Variants in SBF2 observed in about 807,000 individuals in gnomAD.
SBF2 encodes myotubularin-related protein 13.
A neutral mutation model predicts 225.2 loss-of-function variants in SBF2; 112 were observed. The ratio of observed to expected loss-of-function variants is 0.50; its 90% CI spans 0.43 to 0.58. The LOEUF (loss-of-function observed/expected upper bound fraction) is 0.58, where lower values mean the gene tolerates loss of function less well. Among genes scored for constraint, SBF2 ranks in the 20% least tolerant of loss-of-function variants. The probability of loss-of-function intolerance (pLI) is 0.00; values close to 1 mark genes in which losing one functional copy is unlikely to be tolerated. For missense variants in SBF2, 1,996 were observed against 2,206.2 expected (o/e 0.90, Z 1.91); for synonymous variants, 763 against 773.3 (o/e 0.99, Z 0.22).
intron 35 of SBF2, 93 bp downstream of exon 35, chr11:9,789,016 G>C: frequency 9.6e-7 from 1 of 1,036,378 alleles, no homozygotes; most frequent in Non-Finnish European, 1.5e-6. Flanking sequence ...AGAGTAAGGA[G>C]AGCCATGTTC....
intron 2 of SBF2, among the ~76,000 whole-genome samples, chr11:10,114,412 G>A (rs1358178392): frequency 6.6e-6 from 1 of 151,880 alleles, no homozygotes; most frequent in East Asian, 1.9e-4. Flanking sequence ...CTCCTATTAG[G>A]CATAAGTTGA....
intron 16 of SBF2, among the ~76,000 whole-genome samples, chr11:9,926,224 G>C (rs1231877204): frequency 6.6e-6 from 1 of 152,056 alleles, no homozygotes; most frequent in African/African-American, 2.4e-5. Context: ...AATATTTCGG[G>C]TAGACTGTAT....
chr11:10,063,051 G>A (rs1279186116), intron 2 of SBF2, among the ~76,000 whole-genome samples: 4 of 152,136 alleles, frequency 2.6e-5, no homozygotes, highest in African/African-American at 9.7e-5. Context: ...CATGGATGGA[G>A]CTACAGGCTA....
chr11:9,833,607 A>C lies in SBF2; in HGVS notation c.3456-1187T>G, dbSNP rs186930501. 3.9e-3 allele frequency among the ~76,000 whole-genome samples: 598 copies of C among 151,992 alleles called. 3 individuals are homozygous for C. The highest frequency in any genetic ancestry group is 0.01 in the Middle Eastern group (3 of 294). Reference sequence around the variant, plus strand: ...GGCTAATTTTTTGTATTTTCAATAGAGACGGGGTTTCACCGTGTTAGCCAG... The same window carrying C: ...GGCTAATTTTTTGTATTTTCAATAGCGACGGGGTTTCACCGTGTTAGCCAG... On this transcript the variant is annotated intron_variant, in intron 26 of 39. Transcript: ENST00000256190.
intron 2 of SBF2, among the ~76,000 whole-genome samples, chr11:10,073,475 G>C (rs1051095488): frequency 1.3e-5 from 2 of 152,274 alleles, no homozygotes; most frequent in East Asian, 3.9e-4. Flanking sequence ...CACTTTGGAA[G>C]GGCCAGGCGG....
In SBF2 at chr11:9,865,736, C is replaced by T. The variant is rs532811928; in HGVS notation, c.1930-7340G>A. On this transcript the variant is annotated intron_variant, in intron 17 of 39. Coordinates refer to ENST00000256190, the MANE Select transcript of SBF2 (RefSeq NM_030962.4). ...AAAAAAGGCGGGAGGCGTTGGGGGG[C>T]GAAACTGAGGCAAAAAGAAGTAATT... 5.2e-3 allele frequency among the ~76,000 whole-genome samples: 588 copies of T among 113,332 alleles called. 11 individuals are homozygous for T. In the Middle Eastern group the frequency reaches 0.076, roughly 15 times the overall value. The allele number at this position is 113,332 out of a possible 152,430, so 74.4% of individuals were successfully genotyped here.
intron 17 of SBF2, among the ~76,000 whole-genome samples, chr11:9,861,551 C>T (rs1341737702): frequency 6.6e-6 from 1 of 151,286 alleles, no homozygotes; most frequent in Non-Finnish European, 1.5e-5. Flanking sequence ...GTAATCCCAG[C>T]TACTTGGGAG....
At chr11:10,133,928 C>T (rs368550466) in intron 2 of SBF2, among the ~76,000 whole-genome samples, 1 of 152,192 alleles carries the variant, frequency 6.6e-6, no homozygotes, top group African/African-American at 2.4e-5. Flanking sequence ...ACACAGAACT[C>T]CTAAAACCAC....
At chr11:9,792,945 T>A (rs1344898098) in intron 33 of SBF2, among the ~76,000 whole-genome samples, 1 of 148,764 alleles carries the variant, frequency 6.7e-6, no homozygotes, top group African/African-American at 2.5e-5. Context: ...GTGTGTTTTT[T>A]TTTTTTTTTT....
At position 10,224,394 on chromosome 11, in the gene SBF2, C is replaced by T. The variant is rs1958459084; in HGVS notation, c.56-30407G>A. ...CCCCACTCCCCATCCATAATTCTCA[C>T]AACAGCCAAAATAAATTAGATCATG... On this transcript the variant is annotated intron_variant, in intron 1 of 39. Coordinates refer to ENST00000256190, the MANE Select transcript of SBF2 (RefSeq NM_030962.4). Among the ~76,000 whole-genome samples, 5 of 152,088 alleles carry T rather than the reference C, an allele frequency of 3.3e-5. No homozygotes were observed. In the South Asian group the frequency reaches 6.2e-4, roughly 19 times the overall value.
chr11:9,900,881 C>T (rs572612130), intron 16 of SBF2, among the ~76,000 whole-genome samples: 1 of 152,208 alleles, frequency 6.6e-6, no homozygotes, highest in African/African-American at 2.4e-5. Context: ...GGACTACAGG[C>T]ACGCATCACC....
At chr11:9,806,850 G>C (rs1318785539) in intron 32 of SBF2, among the ~76,000 whole-genome samples, 1 of 152,100 alleles carries the variant, frequency 6.6e-6, no homozygotes, top group African/African-American at 2.4e-5. Context: ...TTTGTGAATG[G>C]ATTCAAAACC....
At chr11:10,008,222 A>G (rs1948285743) in intron 6 of SBF2, among the ~76,000 whole-genome samples, 2 of 152,156 alleles carry the variant, frequency 1.3e-5, no homozygotes, top group East Asian at 3.9e-4. Context: ...CTATAATACA[A>G]TGGCCTTAAT....
At chr11:10,154,548 C>A (rs1394423595) in intron 2 of SBF2, among the ~76,000 whole-genome samples, 4 of 152,124 alleles carry the variant, frequency 2.6e-5, no homozygotes, top group Non-Finnish European at 5.9e-5. Context: ...CTTCTTCCCC[C>A]TTAAACGTAT....
At chr11:10,228,839 G>A (rs1459075661) in intron 1 of SBF2, among the ~76,000 whole-genome samples, 1 of 152,142 alleles carries the variant, frequency 6.6e-6, no homozygotes, top group African/African-American at 2.4e-5. Context: ...CATAAAATGA[G>A]TTAGGGAGGA....
chr11:9,906,918 C>G (rs1415251920), intron 16 of SBF2, among the ~76,000 whole-genome samples: 1 of 152,148 alleles, frequency 6.6e-6, no homozygotes, highest in Non-Finnish European at 1.5e-5. Context: ...TACTTTTAAC[C>G]TAGATACCTT....
In SBF2 at chr11:10,165,588, C is replaced by T. The variant is rs144719527; in HGVS notation, c.141+28314G>A. Among the ~76,000 whole-genome samples the T allele has an allele frequency of 3.8e-3, 579 of 152,268 alleles. 4 individuals carry two copies. The highest frequency in any genetic ancestry group is 5.2e-3 in the South Asian group (25 of 4,820). On this transcript the variant is annotated intron_variant, in intron 2 of 39. Transcript: ENST00000256190. ...CAACTTCATTAAGATTCTACTAGTA[C>T]ACTGTAGCATTGTACACTGTACCAG... is the stretch of plus-strand genomic sequence containing the variant.
chr11:9,792,027 C>T (rs759536697), intron 33 of SBF2, among the ~76,000 whole-genome samples: 4 of 152,148 alleles, frequency 2.6e-5, no homozygotes, highest in Non-Finnish European at 4.4e-5. Context: ...ACAGCTAGTG[C>T]CAAATCCTAT....
At chr11:10,001,599 A>C (rs1408652452) in intron 7 of SBF2, among the ~76,000 whole-genome samples, 3 of 150,942 alleles carry the variant, frequency 2.0e-5, no homozygotes, top group Non-Finnish European at 4.4e-5. Flanking sequence ...ATCTCGGCTC[A>C]CTGCAAGCTC....
Sources: allele counts gnomAD v4.1 joint callset (sites outside exome capture counted in the v4.1 genomes callset), GRCh38; gene constraint gnomAD v4.1.1; transcripts MANE v1.5; gene names NCBI Gene and HGNC (gene_info 2026-07-23, HGNC 2026-07-21).